PLXNC1: variants seen among roughly 807,000 people sequenced by gnomAD.
PLXNC1 encodes plexin C1.
PLXNC1 carries 75 observed loss-of-function variants against 178.2 expected under a neutral mutation model. That is an observed-to-expected ratio of 0.42 (90% CI 0.35 to 0.51). The LOEUF (loss-of-function observed/expected upper bound fraction) is 0.51, where lower values mean the gene tolerates loss of function less well. PLXNC1 is among the 20% of genes least tolerant of loss of function. PLXNC1 has a pLI of 0.02. For synonymous variants in PLXNC1, 790 were observed against 779.9 expected (o/e 1.01, Z -0.22); for missense variants, 1,503 against 1,984.4 (o/e 0.76, Z 4.61).
intron 14 of PLXNC1, among the ~76,000 whole-genome samples, chr12:94,249,255 CAG>C (rs2136065230): frequency 6.6e-6 from 1 of 152,208 alleles, no homozygotes; most frequent in African/African-American, 2.4e-5. Flanking sequence ...TTTTTTTAGA[CAG>C]AGTCTCACTT....
rs915667722 is a variant in PLXNC1 at position 94,192,473 on chromosome 12, C to A, written c.1439+6000C>A. On this transcript the variant is annotated intron_variant, in intron 4 of 30. Transcript: ENST00000258526. ...TTTCTGATCTAGTAATGCTGTATAA[C>A]AAACAACCCCCAAATCCTTAGTGGT... 2.0e-5 allele frequency among the ~76,000 whole-genome samples: 3 copies of A among 151,260 alleles called. No homozygotes were observed. The Admixed American group carries it at 2.0e-4, about 10-fold the overall frequency.
At position 94,149,322 on chromosome 12, in the gene PLXNC1, C is replaced by G. The variant is rs917401448; in HGVS notation, c.351C>G (p.Ala117=). 8 of 1,446,280 alleles carry G rather than the reference C, an allele frequency of 5.5e-6. No individual in the cohort carries two copies. In the Admixed American group the frequency reaches 1.4e-4, roughly 25 times the overall value. 89.6% of individuals were successfully genotyped at this position (1,446,280 alleles called of 1,614,324 possible). The change falls in exon 1 of 31, where the codon GCC becomes GCG. Residue 117 remains alanine, a synonymous_variant. Coordinates refer to ENST00000258526, the MANE Select transcript of PLXNC1 (RefSeq NM_005761.3). The part of the protein sequence containing the change: ...KLLLPYREGA[A]GLGGLLLTGW... ...TGCTGCCCTACCGCGAGGGGGCGGC[C>G]GGCCTCGGGGGGCTGCTGCTCACCG...
At chr12:94,194,768 T>C (rs887202378) in intron 4 of PLXNC1, among the ~76,000 whole-genome samples, 1 of 152,014 alleles carries the variant, frequency 6.6e-6, no homozygotes, top group Non-Finnish European at 1.5e-5. Flanking sequence ...ATAATAGTAA[T>C]AGTACCTGCC....
chr12:94,204,959 C>A (rs1015224320), intron 4 of PLXNC1, among the ~76,000 whole-genome samples: 1 of 152,166 alleles, frequency 6.6e-6, no homozygotes, highest in Non-Finnish European at 1.5e-5. Context: ...ATGTAGTTAT[C>A]AGATTCCTTC....
Position 94,302,998 on chromosome 12 carries a change from C to T in PLXNC1, c.4387-758C>T, listed in dbSNP as rs145881160. 6.6e-5 allele frequency among the ~76,000 whole-genome samples: 10 copies of T among 152,288 alleles called. No individual in the cohort carries two copies. The East Asian group carries it at 1.9e-3, about 29-fold the overall frequency. ...CATCCTTCAGAATGATTCATCAAGCCATTGATTCAGCCTCATGGGCTGGGA... is the reference window on the plus strand; with the variant it reads ...CATCCTTCAGAATGATTCATCAAGCTATTGATTCAGCCTCATGGGCTGGGA... On this transcript the variant is annotated intron_variant, in intron 28 of 30. Coordinates refer to ENST00000258526, the MANE Select transcript of PLXNC1 (RefSeq NM_005761.3).
At chr12:94,177,675 C>T (rs1444001974) in intron 2 of PLXNC1, among the ~76,000 whole-genome samples, 1 of 152,032 alleles carries the variant, frequency 6.6e-6, no homozygotes, top group African/African-American at 2.4e-5. Flanking sequence ...AATATTGATG[C>T]TTCATTTCCA....
At chr12:94,298,196 A>G (rs1386950803) in intron 26 of PLXNC1, among the ~76,000 whole-genome samples, 1 of 152,222 alleles carries the variant, frequency 6.6e-6, no homozygotes, top group Non-Finnish European at 1.5e-5. Context: ...AATGCTTTGG[A>G]AAGTACACAA....
intron 5 of PLXNC1, among the ~76,000 whole-genome samples, chr12:94,217,708 G>C (rs1273160459): frequency 1.3e-5 from 2 of 152,028 alleles, no homozygotes; most frequent in African/African-American, 2.4e-5. Flanking sequence ...TGACTGCCTC[G>C]TTCTTTCCCT....
intron 2 of PLXNC1, among the ~76,000 whole-genome samples, chr12:94,178,744 G>C (rs138740565): frequency 6.6e-6 from 1 of 152,166 alleles, no homozygotes; most frequent in Non-Finnish European, 1.5e-5. Context: ...AATGTTGCTA[G>C]TGTTTTTAAT....
chr12:94,218,673 A>G (rs1009566226), intron 5 of PLXNC1, among the ~76,000 whole-genome samples: 1 of 152,054 alleles, frequency 6.6e-6, no homozygotes, highest in African/African-American at 2.4e-5. Context: ...GGACATTTCA[A>G]GATTGTCTTT....
chr12:94,301,052 G>C lies in PLXNC1; in HGVS notation c.4381G>C (p.Gly1461Arg), dbSNP rs1968412019. 2 of 1,613,488 alleles carry C rather than the reference G, an allele frequency of 1.2e-6. No individual in the cohort carries two copies. Among genetic ancestry groups the C allele is most frequent in the Non-Finnish European group, 1.7e-6 (2 of 1,179,656 alleles). Residue 1461 changes from glycine to arginine, a missense_variant, in exon 28 of 31, where the codon GGG (glycine) becomes CGG (arginine). Around this residue, in one of 4 missense-constraint regions of PLXNC1, gnomAD observed 639 missense variants for 979.7 expected, o/e 0.65. Coordinates refer to ENST00000258526, the MANE Select transcript of PLXNC1 (RefSeq NM_005761.3). ...ATTTTCTCTCACAGAGCAGCAACTA[G>C]GGAAGGTAAGGCCCAGCTTGAGTAT... ...DAFSLTEQQL[G>R]KEAPTNKLLY...
At chr12:94,263,302 C>T (rs147656491) in intron 20 of PLXNC1, among the ~76,000 whole-genome samples, 1 of 152,046 alleles carries the variant, frequency 6.6e-6, no homozygotes, top group Non-Finnish European at 1.5e-5. Context: ...GGAGCTCAGG[C>T]ATCTGAATGC....
intron 6 of PLXNC1, among the ~76,000 whole-genome samples, chr12:94,223,796 T>C (rs1963861370): frequency 6.6e-6 from 1 of 152,152 alleles, no homozygotes; most frequent in Non-Finnish European, 1.5e-5. Context: ...GTTAGGTAAA[T>C]ATTTGCAGCG....
chr12:94,158,703 A>C (rs1003185876), intron 1 of PLXNC1, among the ~76,000 whole-genome samples: 4 of 152,186 alleles, frequency 2.6e-5, no homozygotes, highest in African/African-American at 7.2e-5. Context: ...TGGGAGTCTG[A>C]GACAGGGAGA....
chr12:94,272,632 A>C (rs184981341), intron 21 of PLXNC1, among the ~76,000 whole-genome samples: 1 of 152,180 alleles, frequency 6.6e-6, no homozygotes, highest in Non-Finnish European at 1.5e-5. Context: ...CCCACTGGGC[A>C]TGGTGGCTCA....
At chr12:94,283,901 C>T (rs923460512) in intron 23 of PLXNC1, among the ~76,000 whole-genome samples, 3 of 151,964 alleles carry the variant, frequency 2.0e-5, no homozygotes, top group Non-Finnish European at 4.4e-5. Context: ...CTGGCCAACA[C>T]GGTAAAACGC....
intron 9 of PLXNC1, among the ~76,000 whole-genome samples, chr12:94,228,576 T>TC (rs1964009444): frequency 1.3e-5 from 2 of 152,212 alleles, no homozygotes; most frequent in East Asian, 1.9e-4. Context: ...CATCTCTCCT[T>TC]CCCCCCAGCC....
chr12:94,282,887 C>T (rs983800464), intron 23 of PLXNC1: 3 of 155,588 alleles, frequency 1.9e-5, no homozygotes, highest in East Asian at 1.9e-4. Flanking sequence ...CCTTTGGCCT[C>T]TTAACCCACA....
At chr12:94,202,977 T>C (rs1963187148) in intron 4 of PLXNC1, among the ~76,000 whole-genome samples, 1 of 152,100 alleles carries the variant, frequency 6.6e-6, no homozygotes, top group Admixed American at 6.6e-5. Flanking sequence ...CATCATCAGC[T>C]CTGTGCGTAA....
Sources: allele counts gnomAD v4.1 joint callset (sites outside exome capture counted in the v4.1 genomes callset), GRCh38; gene constraint gnomAD v4.1.1; regional missense constraint gnomAD v4.1.1; transcripts MANE v1.5; gene names NCBI Gene and HGNC (gene_info 2026-07-23, HGNC 2026-07-21).